Variants in RAPGEF4 observed in about 807,000 individuals in gnomAD.
The protein encoded by RAPGEF4 is RAP guanine-nucleotide-exchange factor (GEF) 4.
RAPGEF4 carries 66 observed loss-of-function variants against 147.9 expected under a neutral mutation model. The observed-to-expected ratio is 0.45, with a 90% CI of 0.37 to 0.55. The LOEUF (loss-of-function observed/expected upper bound fraction) is 0.55, where lower values mean the gene tolerates loss of function less well. RAPGEF4 is among the 20% of genes least tolerant of loss of function. The pLI, the probability that RAPGEF4 is intolerant of heterozygous loss-of-function variation, is 0.00. For missense variants in RAPGEF4, 1,071 were observed against 1,257.3 expected (o/e 0.85, Z 2.24); for synonymous variants, 419 against 442.7 (o/e 0.95, Z 0.67).
At chr2:172,917,143 C>A (rs1379552695) in intron 4 of RAPGEF4, among the ~76,000 whole-genome samples, 2 of 152,166 alleles carry the variant, frequency 1.3e-5, no homozygotes, top group African/African-American at 2.4e-5. Flanking sequence ...GGGGCTAATA[C>A]CTTATGCTAA....
intron 10 of RAPGEF4, among the ~76,000 whole-genome samples, chr2:172,982,044 A>T (rs1227893557): frequency 6.6e-6 from 1 of 152,188 alleles, no homozygotes; most frequent in African/African-American, 2.4e-5. Context: ...CATCTCTCTC[A>T]GAAAGATATT....
intron 3 of RAPGEF4, among the ~76,000 whole-genome samples, chr2:172,806,012 C>T (rs982559846): frequency 1.5e-4 from 15 of 102,848 alleles, no homozygotes; most frequent in African/African-American, 2.6e-4. Context: ...AGATATTATC[C>T]GGCTGTGTGT....
intron 4 of RAPGEF4, among the ~76,000 whole-genome samples, chr2:172,865,011 C>T (rs1193319863): frequency 1.3e-5 from 2 of 152,220 alleles, no homozygotes; most frequent in African/African-American, 2.4e-5. Flanking sequence ...AGGTCTGTGC[C>T]TGCCCTTGTC....
intron 3 of RAPGEF4, among the ~76,000 whole-genome samples, chr2:172,812,974 C>T (rs1688169974): frequency 6.6e-6 from 1 of 152,220 alleles, no homozygotes; most frequent in African/African-American, 2.4e-5. Context: ...AATTTGTTTG[C>T]AGTTGCCTTT....
At chr2:172,988,884 C>A (rs772414176) in intron 14 of RAPGEF4, 45 bp downstream of exon 14, 3 of 1,582,306 alleles carry the variant, frequency 1.9e-6, no homozygotes, top group Non-Finnish European at 2.6e-6. Context: ...CCATTTTTTT[C>A]TTTAACTAAA....
Position 173,016,430 on chromosome 2 carries a change from A to C in RAPGEF4, c.1891A>C (p.Lys631Gln). The C allele has an allele frequency of 2.5e-6, 4 of 1,607,456 alleles. No individual in the cohort carries two copies. Among genetic ancestry groups the C allele is most frequent in the Non-Finnish European group, 3.4e-6 (4 of 1,173,962 alleles). The change falls in exon 19 of 31, where the codon AAG (lysine) becomes CAG (glutamine). Residue 631 changes from lysine to glutamine, a missense_variant. Lys to Gln is a moderately conservative substitution (Grantham distance 53). Transcript: ENST00000397081. ...EQLPELEKIV[K>Q]QISEDAKAPQ... ...ACTGCCAGAGTTGGAGAAGATTGTCAAGCAAATGTAAGGAAGGGCTTGACT... is the reference window on the plus strand; with the variant it reads ...ACTGCCAGAGTTGGAGAAGATTGTCCAGCAAATGTAAGGAAGGGCTTGACT...
intron 4 of RAPGEF4, among the ~76,000 whole-genome samples, chr2:172,902,372 G>T (rs1055157748): frequency 6.6e-6 from 1 of 151,878 alleles, no homozygotes; most frequent in Non-Finnish European, 1.5e-5. Context: ...GCATGACCTC[G>T]GCTCACTGCA....
At chr2:173,047,682 T>C (rs1350969702) in intron 29 of RAPGEF4, among the ~76,000 whole-genome samples, 3 of 151,592 alleles carry the variant, frequency 2.0e-5, no homozygotes, top group Non-Finnish European at 4.4e-5. Flanking sequence ...GAATTTCTTT[T>C]TTTTTTTTTC....
rs138710804 is a variant in RAPGEF4, at chr2:172,801,610, G to A, written c.297+3997G>A. On this transcript the variant is annotated intron_variant, in intron 3 of 30. Coordinates refer to ENST00000397081, the MANE Select transcript of RAPGEF4 (RefSeq NM_007023.4). Reference sequence around the variant, plus strand: ...TGCCCTCCCCTTAGTGCTGTGGTTTGTCTCATTTTAGAGGCTAGATATTCA... The same window carrying A: ...TGCCCTCCCCTTAGTGCTGTGGTTTATCTCATTTTAGAGGCTAGATATTCA... Among the ~76,000 whole-genome samples the A allele has an allele frequency of 9.9e-4, 150 of 152,104 alleles. 3 individuals are homozygous for A. In the East Asian group the frequency reaches 0.018, roughly 18 times the overall value.
At chr2:172,961,081 A>T (rs766529682) in intron 7 of RAPGEF4, 41 bp from the exon 8 acceptor site, 3 of 1,398,828 alleles carry the variant, frequency 2.1e-6, no homozygotes, top group Non-Finnish European at 3.0e-6. Context: ...TTCTATAAAC[A>T]CTTCTTTCTC....
intron 17 of RAPGEF4, among the ~76,000 whole-genome samples, chr2:173,009,990 C>T (rs1281424325): frequency 6.6e-6 from 1 of 152,140 alleles, no homozygotes. Flanking sequence ...AGACAAAACA[C>T]AACAACATAG....
intron 4 of RAPGEF4, chr2:172,889,807 A>T: frequency 1.0e-6 from 1 of 980,058 alleles, no homozygotes. Flanking sequence ...AGTCAATGTC[A>T]GTATTTAAAC....
intron 4 of RAPGEF4, among the ~76,000 whole-genome samples, chr2:172,831,268 T>TTTTTTTTTTTTTTC (rs1690293341): frequency 8.9e-6 from 1 of 112,752 alleles, no homozygotes; most frequent in African/African-American, 3.1e-5. Context: ...ATAGAAAACT[T>TTTTTTTTTTTTTTC]TTTTTTTTTT....
intron 4 of RAPGEF4, among the ~76,000 whole-genome samples, chr2:172,830,437 G>T (rs560272411): frequency 1.3e-5 from 2 of 152,172 alleles, no homozygotes; most frequent in Admixed American, 6.5e-5. Context: ...TTGAGCTACC[G>T]CAGGAGTTTT....
At chr2:173,037,234 G>A (rs1431018785) in intron 29 of RAPGEF4, among the ~76,000 whole-genome samples, 1 of 152,072 alleles carries the variant, frequency 6.6e-6, no homozygotes, top group Admixed American at 6.6e-5. Context: ...TTTACTTATT[G>A]TTGGAGACAG....
At chr2:172,925,510 G>A (rs1685193292) in intron 6 of RAPGEF4, among the ~76,000 whole-genome samples, 1 of 151,962 alleles carries the variant, frequency 6.6e-6, no homozygotes, top group Non-Finnish European at 1.5e-5. Context: ...AATACAGGAT[G>A]CTGGAACCTA....
At chr2:172,803,500 G>A (rs1466959332) in intron 3 of RAPGEF4, among the ~76,000 whole-genome samples, 1 of 152,178 alleles carries the variant, frequency 6.6e-6, no homozygotes, top group East Asian at 1.9e-4. Context: ...CAGTACCCTG[G>A]GCTTGGCCCA....
chr2:172,865,207 A>C (rs563433357), intron 4 of RAPGEF4, among the ~76,000 whole-genome samples: 1 of 152,192 alleles, frequency 6.6e-6, no homozygotes, highest in Admixed American at 6.5e-5. Context: ...TATTCTCCTA[A>C]TGCATTTCTA....
intron 16 of RAPGEF4, 29 bp from the exon 17 acceptor site, chr2:173,001,237 T>C (rs1482088299): frequency 6.2e-7 from 1 of 1,601,980 alleles, no homozygotes; most frequent in Non-Finnish European, 8.5e-7. Context: ...AAGAACCTAA[T>C]TTCCTTTTCT....
Sources: gnomAD v4.1 joint callset for allele counts (sites outside exome capture counted in the v4.1 genomes callset) on GRCh38, gnomAD v4.1.1 for gene constraint, MANE v1.5 for transcripts, NCBI Gene and HGNC (gene_info 2026-07-23, HGNC 2026-07-21) for gene names.